The following LRMDA variants were observed in gnomAD, a reference collection of about 807,000 sequenced individuals.
LRMDA encodes the protein leucine rich melanocyte differentiation associated.
LRMDA carries 18 observed loss-of-function variants against 29.8 expected under a neutral mutation model. That is an observed-to-expected ratio of 0.60 (90% CI 0.42 to 0.90). The LOEUF (loss-of-function observed/expected upper bound fraction) is 0.90. Among genes scored for constraint, LRMDA ranks in the 40% least tolerant of loss-of-function variants. The probability of loss-of-function intolerance (pLI) is 0.00; values close to 1 mark genes in which losing one functional copy is unlikely to be tolerated. For missense variants in LRMDA, 273 were observed against 273.9 expected (o/e 1.00, Z 0.02); for synonymous variants, 125 against 109.4 (o/e 1.14, Z -0.89).
At chr10:75,446,922 G>A (rs1339283966) in intron 2 of LRMDA, among the ~76,000 whole-genome samples, 5 of 152,212 alleles carry the variant, frequency 3.3e-5, no homozygotes, top group Non-Finnish European at 7.3e-5. Flanking sequence ...TTAAATACTG[G>A]CTTTGCAGCC....
intron 2 of LRMDA, among the ~76,000 whole-genome samples, chr10:75,864,668 A>G (rs1020950255): frequency 2.0e-5 from 3 of 152,138 alleles, no homozygotes; most frequent in Non-Finnish European, 2.9e-5. Flanking sequence ...GCTTTTTACA[A>G]TTTACAATTT....
At chr10:76,073,655 G>A (rs564898890) in intron 5 of LRMDA, among the ~76,000 whole-genome samples, 21 of 152,234 alleles carry the variant, frequency 1.4e-4, no homozygotes, top group Admixed American at 5.2e-4. Context: ...GCACACAAGC[G>A]GTTTTAGGCT....
chr10:76,428,414 G>C (rs1165083213), intron 6 of LRMDA, among the ~76,000 whole-genome samples: 4 of 151,980 alleles, frequency 2.6e-5, no homozygotes, highest in African/African-American at 4.8e-5. Flanking sequence ...TTAACTTCAT[G>C]ATGAAGTTAA....
intron 2 of LRMDA, among the ~76,000 whole-genome samples, chr10:75,917,947 A>G (rs1845961711): frequency 7.1e-6 from 1 of 140,244 alleles, no homozygotes; most frequent in Non-Finnish European, 1.5e-5. Context: ...GCACACCCAC[A>G]CATGCACATG....
intron 5 of LRMDA, among the ~76,000 whole-genome samples, chr10:76,129,511 A>T (rs1849947662): frequency 6.6e-6 from 1 of 152,114 alleles, no homozygotes; most frequent in Admixed American, 6.5e-5. Context: ...GGTGTAGGGT[A>T]CTCAGCTCTG....
At chr10:75,628,045 A>T (rs1021153621) in intron 2 of LRMDA, among the ~76,000 whole-genome samples, 2 of 152,212 alleles carry the variant, frequency 1.3e-5, no homozygotes, top group African/African-American at 4.8e-5. Flanking sequence ...CTTCAGTGGA[A>T]GAAGAGCCAT....
chr10:75,906,858 T>C (rs1845767258), intron 2 of LRMDA, among the ~76,000 whole-genome samples: 1 of 142,620 alleles, frequency 7.0e-6, no homozygotes. Flanking sequence ...CCTCTGAACA[T>C]AAGTGGACTT....
intron 2 of LRMDA, among the ~76,000 whole-genome samples, chr10:75,562,638 A>G (rs1445945764): frequency 6.6e-6 from 1 of 152,040 alleles, no homozygotes; most frequent in Non-Finnish European, 1.5e-5. Context: ...TGGTCTTTAC[A>G]TTTTGGCATG....
chr10:75,697,854 T>TGTGTGTGTGCGCGCGCGC (rs1554821107), intron 2 of LRMDA, among the ~76,000 whole-genome samples: 1 of 151,502 alleles, frequency 6.6e-6, no homozygotes, highest in Non-Finnish European at 1.5e-5. Flanking sequence ...TGTGTGTGCG[T>TGTGTGTGTGCGCGCGCGC]GTGTGTGTGT....
intron 6 of LRMDA, among the ~76,000 whole-genome samples, chr10:76,487,259 T>G (rs1337566346): frequency 6.6e-6 from 1 of 151,938 alleles, no homozygotes; most frequent in Non-Finnish European, 1.5e-5. Flanking sequence ...TTTTAGATGG[T>G]GATGAACCCC....
At chr10:76,271,281 A>G (rs1418257506) in intron 5 of LRMDA, among the ~76,000 whole-genome samples, 1 of 151,944 alleles carries the variant, frequency 6.6e-6, no homozygotes, top group Non-Finnish European at 1.5e-5. Flanking sequence ...GGTGGCATGC[A>G]CCTGTAATCC....
At chr10:75,737,077 A>G (rs762163781) in intron 2 of LRMDA, among the ~76,000 whole-genome samples, 23 of 151,454 alleles carry the variant, frequency 1.5e-4, no homozygotes, top group Non-Finnish European at 2.9e-4. Flanking sequence ...ACACACACAC[A>G]CGCACATGCA....
At chr10:75,593,292 C>T (rs1054726477) in intron 2 of LRMDA, among the ~76,000 whole-genome samples, 13 of 152,062 alleles carry the variant, frequency 8.5e-5, no homozygotes, top group Admixed American at 7.2e-4. Context: ...CATGCTGCTC[C>T]GAAAAAGAGG....
chr10:75,912,738 C>T (rs1021040645), intron 2 of LRMDA, among the ~76,000 whole-genome samples: 1 of 152,024 alleles, frequency 6.6e-6, no homozygotes, highest in African/African-American at 2.4e-5. Flanking sequence ...GGTGGGCTCT[C>T]AAGGTATCTT....
At chr10:75,466,135 G>C (rs1246466722) in intron 2 of LRMDA, among the ~76,000 whole-genome samples, 1 of 152,190 alleles carries the variant, frequency 6.6e-6, no homozygotes, top group East Asian at 1.9e-4. Flanking sequence ...ATGAATTGTG[G>C]GTGCTTGCCT....
intron 2 of LRMDA, among the ~76,000 whole-genome samples, chr10:75,878,769 G>A (rs990828832): frequency 3.3e-5 from 5 of 152,096 alleles, no homozygotes; most frequent in Admixed American, 2.0e-4. Flanking sequence ...TATCAAAGAC[G>A]GTACCAGGAG....
chr10:75,485,619 G>A (rs1257308992), intron 2 of LRMDA, among the ~76,000 whole-genome samples: 1 of 151,830 alleles, frequency 6.6e-6, no homozygotes, highest in Non-Finnish European at 1.5e-5. Flanking sequence ...GTCTCACTCT[G>A]TTGCCCAGGC....
intron 5 of LRMDA, among the ~76,000 whole-genome samples, chr10:76,062,470 G>T (rs549754346): frequency 6.6e-6 from 1 of 152,126 alleles, no homozygotes; most frequent in Non-Finnish European, 1.5e-5. Flanking sequence ...AGGCGCTGGC[G>T]CTTGAGTGCA....
Position 76,554,870 on chromosome 10 carries a change from G to GGTGTGTGT in LRMDA, c.602-2319_602-2312dup, listed in dbSNP as rs72203665. Among the ~76,000 whole-genome samples the GGTGTGTGT allele has an allele frequency of 5.3e-3, 804 of 150,610 alleles. 11 individuals are homozygous for GGTGTGTGT. Among genetic ancestry groups the GGTGTGTGT allele is most frequent in the African/African-American group, 0.018 (740 of 40,888 alleles). ...TGGAGAGAGGGCACTCATGGTGGGTGGTGTGTGTGTGTGTGTGTGTGTGTG... is the reference window on the plus strand; with the variant it reads ...TGGAGAGAGGGCACTCATGGTGGGTGGTGTGTGTGTGTGTGTGTGTGTGTGTGTGTGTG... On this transcript the variant is annotated intron_variant, in intron 6 of 6. Coordinates refer to ENST00000611255, the MANE Select transcript of LRMDA (RefSeq NM_001305581.2).
Sources: gnomAD v4.1 joint callset for allele counts (sites outside exome capture counted in the v4.1 genomes callset) on GRCh38, gnomAD v4.1.1 for gene constraint, MANE v1.5 for transcripts, NCBI Gene and HGNC (gene_info 2026-07-23, HGNC 2026-07-21) for gene names.